Variants in KCTD8 observed in about 807,000 individuals in gnomAD.
KCTD8 encodes BTB/POZ domain-containing protein KCTD8.
In KCTD8, 27 loss-of-function variants were observed where a neutral mutation model predicts 31.5. The ratio of observed to expected loss-of-function variants is 0.86; its 90% CI spans 0.63 to 1.18. The LOEUF is 1.18. Among genes scored for constraint, KCTD8 ranks in the 50% most tolerant of loss-of-function variants. The pLI is 0.00. For missense variants in KCTD8, 658 were observed against 647.7 expected (o/e 1.02, Z -0.17); for synonymous variants, 290 against 280.0 (o/e 1.04, Z -0.36).
At chr4:44,181,854 C>T (rs913123401) in intron 1 of KCTD8, among the ~76,000 whole-genome samples, 12 of 151,882 alleles carry the variant, frequency 7.9e-5, no homozygotes, top group African/African-American at 2.4e-4. Context: ...CGCCTCTGCC[C>T]GGCCGCGACC....
chr4:44,366,579 C>A (rs1355251291), intron 1 of KCTD8, among the ~76,000 whole-genome samples: 1 of 152,156 alleles, frequency 6.6e-6, no homozygotes, highest in Non-Finnish European at 1.5e-5. Flanking sequence ...ATAAGTTACC[C>A]AGTCACAGGT....
chr4:44,266,365 G>A (rs1052261453), intron 1 of KCTD8, among the ~76,000 whole-genome samples: 1 of 152,074 alleles, frequency 6.6e-6, no homozygotes, highest in African/African-American at 2.4e-5. Context: ...TCACCACCAG[G>A]CCTGCCTTAC....
At chr4:44,329,937 T>C (rs1718552487) in intron 1 of KCTD8, among the ~76,000 whole-genome samples, 1 of 151,934 alleles carries the variant, frequency 6.6e-6, no homozygotes, top group Non-Finnish European at 1.5e-5. Flanking sequence ...GAAGCTTCCA[T>C]CTACTGGAAT....
At chr4:44,322,027 A>G (rs1370583426) in intron 1 of KCTD8, among the ~76,000 whole-genome samples, 1 of 152,010 alleles carries the variant, frequency 6.6e-6, no homozygotes, top group Non-Finnish European at 1.5e-5. Context: ...TTGATTCTGT[A>G]TCTTGGCTGT....
intron 1 of KCTD8, among the ~76,000 whole-genome samples, chr4:44,326,593 C>A (rs1354346943): frequency 4.6e-5 from 7 of 151,752 alleles, no homozygotes; most frequent in Non-Finnish European, 2.9e-5. Flanking sequence ...CACATTTTTG[C>A]TCCTCTTTTC....
At chr4:44,342,128 T>G (rs1718917507) in intron 1 of KCTD8, among the ~76,000 whole-genome samples, 1 of 152,092 alleles carries the variant, frequency 6.6e-6, no homozygotes, top group African/African-American at 2.4e-5. Context: ...TCCCAGCATT[T>G]TGGGAGGCCA....
At chr4:44,430,370 G>A (rs891507717) in intron 1 of KCTD8, among the ~76,000 whole-genome samples, 1 of 151,644 alleles carries the variant, frequency 6.6e-6, no homozygotes, top group African/African-American at 2.4e-5. Context: ...TAAATAACAA[G>A]GGCAGTGAAC....
chr4:44,300,706 C>A (rs1419131605), intron 1 of KCTD8, among the ~76,000 whole-genome samples: 1 of 151,884 alleles, frequency 6.6e-6, no homozygotes, highest in Non-Finnish European at 1.5e-5. Flanking sequence ...GTAGGATTAT[C>A]AATAAGAACT....
At chr4:44,181,923 G>A (rs1157934715) in intron 1 of KCTD8, among the ~76,000 whole-genome samples, 1 of 150,748 alleles carries the variant, frequency 6.6e-6, no homozygotes, top group African/African-American at 2.4e-5. Flanking sequence ...GAAGTGAGGA[G>A]CCCCTCCACC....
At chr4:44,225,863 C>T (rs915992558) in intron 1 of KCTD8, among the ~76,000 whole-genome samples, 1 of 145,244 alleles carries the variant, frequency 6.9e-6, no homozygotes, top group Non-Finnish European at 1.5e-5. Context: ...CTCTGTCGCC[C>T]AGGCTGGAGT....
At chr4:44,210,558 A>G (rs564586503) in intron 1 of KCTD8, among the ~76,000 whole-genome samples, 1 of 152,210 alleles carries the variant, frequency 6.6e-6, no homozygotes, top group Non-Finnish European at 1.5e-5. Context: ...GCAGTCATAT[A>G]ATCACATAGG....
intron 1 of KCTD8, among the ~76,000 whole-genome samples, chr4:44,192,534 T>C (rs1008454158): frequency 6.6e-6 from 1 of 151,438 alleles, no homozygotes; most frequent in African/African-American, 2.4e-5. Context: ...TAAATAATTA[T>C]GCAAGTGTGG....
chr4:44,195,168 G>C (rs1188179410), intron 1 of KCTD8, among the ~76,000 whole-genome samples: 1 of 150,476 alleles, frequency 6.6e-6, no homozygotes, highest in East Asian at 2.0e-4. Flanking sequence ...ATGAGCCACT[G>C]TGCCTACCTA....
intron 1 of KCTD8, among the ~76,000 whole-genome samples, chr4:44,280,919 A>C (rs944415811): frequency 2.6e-4 from 40 of 152,088 alleles, no homozygotes; most frequent in Admixed American, 1.3e-4. Flanking sequence ...GTGAGCTGGT[A>C]TAGCTAGAGG....
At chr4:44,269,639 C>T (rs1390558148) in intron 1 of KCTD8, among the ~76,000 whole-genome samples, 1 of 152,122 alleles carries the variant, frequency 6.6e-6, no homozygotes, top group African/African-American at 2.4e-5. Flanking sequence ...GCAACCTACT[C>T]ATCTGAAAAA....
At chr4:44,278,242 C>T (rs1268770700) in intron 1 of KCTD8, among the ~76,000 whole-genome samples, 1 of 151,960 alleles carries the variant, frequency 6.6e-6, no homozygotes, top group Non-Finnish European at 1.5e-5. Context: ...CTATATGTAT[C>T]AACATGAAAC....
intron 1 of KCTD8, among the ~76,000 whole-genome samples, chr4:44,362,423 C>A (rs1044648261): frequency 6.6e-6 from 1 of 152,006 alleles, no homozygotes; most frequent in Non-Finnish European, 1.5e-5. Flanking sequence ...TTAAAAATCA[C>A]AAAGATAGTA....
chr4:44,386,703 A>T (rs1302427554), intron 1 of KCTD8, among the ~76,000 whole-genome samples: 1 of 151,634 alleles, frequency 6.6e-6, no homozygotes, highest in Non-Finnish European at 1.5e-5. Flanking sequence ...CCTCAAAAAA[A>T]CTAAAAATTG....
At chr4:44,284,135 A>T (rs1716986995) in intron 1 of KCTD8, among the ~76,000 whole-genome samples, 1 of 152,126 alleles carries the variant, frequency 6.6e-6, no homozygotes, top group Admixed American at 6.6e-5. Context: ...ACTACTTTAA[A>T]CTTCATATGG....
Sources: allele counts gnomAD v4.1 joint callset (sites outside exome capture counted in the v4.1 genomes callset), GRCh38; gene constraint gnomAD v4.1.1; transcripts MANE v1.5; gene names NCBI Gene and HGNC (gene_info 2026-07-23, HGNC 2026-07-21).